Variants in MAB21L3 observed in about 807,000 individuals in gnomAD.
The protein encoded by MAB21L3 is mab-21 like 3.
A neutral mutation model predicts 37.7 loss-of-function variants in MAB21L3; 36 were observed. The ratio of observed to expected loss-of-function variants is 0.96; its 90% CI spans 0.73 to 1.26. MAB21L3 has a LOEUF of 1.26. Among genes scored for constraint, MAB21L3 ranks in the 50% most tolerant of loss-of-function variants. The pLI is 0.00. For missense variants in MAB21L3, 430 were observed against 447.3 expected (o/e 0.96, Z 0.35); for synonymous variants, 186 against 176.8 (o/e 1.05, Z -0.41).
At chr1:116,117,286 G>A (rs76115736) in intron 3 of MAB21L3, among the ~76,000 whole-genome samples, 3,654 of 150,704 alleles carry the variant, frequency 0.024, 151 homozygotes, top group African/African-American at 0.085. Context: ...CCTTCAACAC[G>A]TTCTGAGAAC....
At chr1:116,112,871 A>G (rs1146356) in intron 3 of MAB21L3, among the ~76,000 whole-genome samples, 39,536 of 151,992 alleles carry the variant, frequency 0.26, 8,217 homozygotes, top group African/African-American at 0.57. Flanking sequence ...AGACATGCTG[A>G]GTATAGAATA....
At position 116,113,743 on chromosome 1, in the gene MAB21L3, G is replaced by A. The variant is rs147499654; in HGVS notation, c.48+1080G>A. ...GAAATCCAGATTTCTGTCTTTCCAG[G>A]GGAAAAAAATCAGAATATTTCGCAA... On this transcript the variant is annotated intron_variant, in intron 3 of 7. Coordinates refer to ENST00000369500, the MANE Select transcript of MAB21L3 (RefSeq NM_152367.3). Among the ~76,000 whole-genome samples, 35 of 152,230 alleles carry A rather than the reference G, an allele frequency of 2.3e-4. No homozygotes were observed. The East Asian group carries it at 4.4e-3, about 19-fold the overall frequency.
Position 116,112,548 on chromosome 1 carries a change from T to G in MAB21L3, c.-68T>G. ...TGGGAGTGCTATCTACTCACAAGTG[T>G]TGCACTCCATTGAGAAAAAAAAAAA... On this transcript the variant is annotated 5_prime_UTR_variant, in exon 3 of 8. Transcript: ENST00000369500. 2.8e-6 allele frequency: 4 copies of G among 1,440,978 alleles called. No individual in the cohort carries two copies. Among genetic ancestry groups the G allele is most frequent in the Non-Finnish European group, 3.9e-6 (4 of 1,026,386 alleles). The allele number at this position is 1,440,978 out of a possible 1,614,324, so 89.3% of individuals were successfully genotyped here.
intron 6 of MAB21L3, 118 bp downstream of exon 6, chr1:116,127,762 GT>G: frequency 8.8e-7 from 1 of 1,132,136 alleles, no homozygotes; most frequent in African/African-American, 1.6e-5. Context: ...TAGATCAGCA[GT>G]TCTCAAAGTG....
chr1:116,132,332 C>T (rs187822425), intron 7 of MAB21L3, among the ~76,000 whole-genome samples: 3 of 152,162 alleles, frequency 2.0e-5, no homozygotes, highest in Non-Finnish European at 4.4e-5. Context: ...CGCTGTAATG[C>T]TAGGAGAAAA....
At chr1:116,118,497 A>G (rs2101610115) in intron 3 of MAB21L3, among the ~76,000 whole-genome samples, 1 of 152,270 alleles carries the variant, frequency 6.6e-6, no homozygotes, top group South Asian at 2.1e-4. Context: ...GCTAGTGCCC[A>G]GTGTTCCCCC....
At chr1:116,127,327 A>G in intron 5 of MAB21L3, 139 bp from the exon 6 acceptor site, 1 of 718,702 alleles carries the variant, frequency 1.4e-6, no homozygotes, top group Non-Finnish European at 2.3e-6. Context: ...GTGATCCTTC[A>G]CGTGCTACAG....
At position 116,113,646 on chromosome 1, in the gene MAB21L3, T is replaced by G. The variant is rs116183818; in HGVS notation, c.48+983T>G. On this transcript the variant is annotated intron_variant, in intron 3 of 7. Coordinates refer to ENST00000369500, the MANE Select transcript of MAB21L3 (RefSeq NM_152367.3). ...TGTTCGACACGTTGAATCCAGTGTGTGCTCATGTTTTGTTTGGCCTGTAGA... is the reference window on the plus strand; with the variant it reads ...TGTTCGACACGTTGAATCCAGTGTGGGCTCATGTTTTGTTTGGCCTGTAGA... Among the ~76,000 whole-genome samples, 709 of 152,346 alleles carry G rather than the reference T, an allele frequency of 4.7e-3. 4 individuals carry two copies. The highest frequency in any genetic ancestry group is 0.016 in the African/African-American group (671 of 41,578).
At chr1:116,119,489 C>T (rs1659682773) in intron 3 of MAB21L3, among the ~76,000 whole-genome samples, 2 of 151,924 alleles carry the variant, frequency 1.3e-5, no homozygotes, top group South Asian at 4.2e-4. Context: ...TTTTTTCTGG[C>T]TGTCGTGATC....
At chr1:116,130,847 A>C (rs1322642242) in intron 7 of MAB21L3, among the ~76,000 whole-genome samples, 1 of 152,230 alleles carries the variant, frequency 6.6e-6, no homozygotes, top group East Asian at 1.9e-4. Flanking sequence ...CTTAATTAAC[A>C]AGAGGAATTA....
rs1660215406 is a variant in MAB21L3, at chr1:116,137,197, A to C, written c.*3832A>C. Among the ~76,000 whole-genome samples the C allele has an allele frequency of 1.0e-5, 1 of 99,424 alleles. No homozygotes were observed. The highest frequency in any genetic ancestry group is 2.9e-4 in the South Asian group (1 of 3,406). 65.2% of individuals were successfully genotyped at this position (99,424 alleles called of 152,430 possible). ...ATCAGAGTGAACAGGCAACCTACAA[A>C]ATGGGAGAAAATTTTCACAACCTAC... On this transcript the variant is annotated 3_prime_UTR_variant, in exon 8 of 8. Transcript: ENST00000369500.
At chr1:116,121,488 C>G (rs1227689412) in intron 4 of MAB21L3, among the ~76,000 whole-genome samples, 1 of 152,218 alleles carries the variant, frequency 6.6e-6, no homozygotes, top group Non-Finnish European at 1.5e-5. Flanking sequence ...AGAACTCACA[C>G]AGAGGCTTTT....
Position 116,121,001 on chromosome 1 carries a change from A to G in MAB21L3, c.118A>G (p.Thr40Ala). 1 of 1,614,170 alleles carries G rather than the reference A, an allele frequency of 6.2e-7. No individual in the cohort carries two copies. Among genetic ancestry groups the G allele is most frequent in the Non-Finnish European group, 8.5e-7 (1 of 1,180,014 alleles). Residue 40 changes from threonine (T) to alanine (A), a missense_variant, in exon 4 of 8, where the codon ACA becomes GCA. Thr to Ala is a moderately conservative substitution (Grantham distance 58). Transcript: ENST00000369500. Reference sequence around the variant, plus strand: ...GCAGAAAGTCGTTCATCATTTGACCACAAACATCAGCAACCAAGACATTAG... The same window carrying G: ...GCAGAAAGTCGTTCATCATTTGACCGCAAACATCAGCAACCAAGACATTAG... ...EVQKVVHHLT[T>A]NISNQDIRFQ...
chr1:116,127,549 C>T lies in MAB21L3; in HGVS notation c.565C>T (p.Pro189Ser), dbSNP rs1411782603. 1.9e-6 allele frequency: 3 copies of T among 1,613,996 alleles called. No homozygotes were observed. The highest frequency in any genetic ancestry group is 2.5e-6 in the Non-Finnish European group (3 of 1,180,042). Residue 189 changes from proline (P) to serine (S), a missense_variant, in exon 6 of 8, where the codon CCC becomes TCC. Coordinates refer to ENST00000369500, the MANE Select transcript of MAB21L3 (RefSeq NM_152367.3). Reference protein sequence around the residue: ...SAYQVELELVPAVEIPTTWSK... With the variant: ...SAYQVELELVSAVEIPTTWSK... Reference sequence around the variant, plus strand: ...ATATCAGGTGGAACTGGAGCTGGTCCCCGCAGTGGAGATCCCCACCACCTG... The same window carrying T: ...ATATCAGGTGGAACTGGAGCTGGTCTCCGCAGTGGAGATCCCCACCACCTG...
chr1:116,118,626 C>T (rs1016476083), intron 3 of MAB21L3, among the ~76,000 whole-genome samples: 3 of 152,172 alleles, frequency 2.0e-5, no homozygotes, highest in Non-Finnish European at 4.4e-5. Context: ...GGACCTCTCA[C>T]GGTTTATTCT....
At position 116,127,564 on chromosome 1, in the gene MAB21L3, C is replaced by T. The variant is rs1659944457; in HGVS notation, c.580C>T (p.Pro194Ser). The T allele has an allele frequency of 6.2e-7, 1 of 1,614,068 alleles. No individual in the cohort carries two copies. The highest frequency in any genetic ancestry group is 8.5e-7 in the Non-Finnish European group (1 of 1,180,012). ...GGAGCTGGTCCCCGCAGTGGAGATC[C>T]CCACCACCTGGTCCAAGAAAGCCCG... Reference protein sequence around the residue: ...ELELVPAVEIPTTWSKKARWP... With the variant: ...ELELVPAVEISTTWSKKARWP... The change falls in exon 6 of 8, where the codon CCC becomes TCC. Residue 194 changes from proline (P) to serine (S), a missense_variant. By Grantham distance (74) the Pro-to-Ser change is moderately conservative (BLOSUM62 -1). Transcript: ENST00000369500.
At position 116,136,636 on chromosome 1, in the gene MAB21L3, T is replaced by C. The variant is rs1384597623; in HGVS notation, c.*3271T>C. On this transcript the variant is annotated 3_prime_UTR_variant, in exon 8 of 8. Coordinates refer to ENST00000369500, the MANE Select transcript of MAB21L3 (RefSeq NM_152367.3). The stretch of plus-strand genomic sequence containing the variant: ...TTGGAAAAAACTACTTTAAAGTTCA[T>C]ATGGAACCAAAAAAGAGCCTGCATT... Among the ~76,000 whole-genome samples the C allele has an allele frequency of 1.3e-5, 2 of 152,136 alleles. No homozygotes were observed. The highest frequency in any genetic ancestry group is 6.5e-5 in the Admixed American group (1 of 15,278).
chr1:116,119,118 C>T (rs1659670542), intron 3 of MAB21L3, among the ~76,000 whole-genome samples: 1 of 152,198 alleles, frequency 6.6e-6, no homozygotes, highest in Non-Finnish European at 1.5e-5. Context: ...GTTTTGGCTT[C>T]TAAAACCTTT....
intron 7 of MAB21L3, 92 bp from the exon 8 acceptor site, chr1:116,133,040 C>T: frequency 9.4e-7 from 1 of 1,068,528 alleles, no homozygotes; most frequent in Non-Finnish European, 1.4e-6. Flanking sequence ...TTTTCTCCCT[C>T]CTTCCAAGGC....
Sources: allele counts gnomAD v4.1 joint callset (sites outside exome capture counted in the v4.1 genomes callset), GRCh38; gene constraint gnomAD v4.1.1; transcripts MANE v1.5; gene names NCBI Gene and HGNC (gene_info 2026-07-23, HGNC 2026-07-21).